Variants in SORCS1 observed in about 807,000 individuals in gnomAD.
SORCS1 encodes VPS10 domain-containing receptor SorCS1.
Under a neutral mutation model 146.1 loss-of-function variants are expected in SORCS1, and 60 were observed. The observed-to-expected ratio is 0.41, with a 90% CI of 0.33 to 0.51. The LOEUF (loss-of-function observed/expected upper bound fraction) is 0.51, where lower values mean the gene tolerates loss of function less well. SORCS1 is among the 20% of genes least tolerant of loss of function. SORCS1 has a pLI of 0.21. For synonymous variants in SORCS1, 637 were observed against 584.0 expected, an observed-to-expected ratio of 1.09 and a Z score of -1.31; for missense variants, 1,352 against 1,487.6, an observed-to-expected ratio of 0.91 and a Z score of 1.50.
intron 18 of SORCS1, among the ~76,000 whole-genome samples, chr10:106,630,074 A>C (rs1279303080): frequency 6.6e-6 from 1 of 151,978 alleles, no homozygotes; most frequent in African/African-American, 2.4e-5. Context: ...ACAAAAACCC[A>C]AAAATTTTAG....
intron 18 of SORCS1, among the ~76,000 whole-genome samples, chr10:106,641,092 C>T (rs1849042783): frequency 1.3e-5 from 2 of 152,118 alleles, no homozygotes; most frequent in South Asian, 4.2e-4. Flanking sequence ...CATGAGAGTA[C>T]ACTTGGAGAG....
intron 1 of SORCS1, among the ~76,000 whole-genome samples, chr10:107,052,188 C>T (rs1960184007): frequency 6.6e-6 from 1 of 152,126 alleles, no homozygotes; most frequent in African/African-American, 2.4e-5. Flanking sequence ...TTCTGGACTT[C>T]CCTGTGGAGG....
At chr10:106,650,741 C>T (rs938984155) in intron 18 of SORCS1, among the ~76,000 whole-genome samples, 2 of 152,106 alleles carry the variant, frequency 1.3e-5, no homozygotes, top group African/African-American at 2.4e-5. Context: ...CTAAAGTTCT[C>T]GAAAGGAAAA....
At position 106,611,137 on chromosome 10, in the gene SORCS1, C is replaced by G. The variant is rs116447797; in HGVS notation, c.3033+774G>C. Reference sequence around the variant, plus strand: ...GGAAGATGTGCCTAAAAGAAGGTGTCTTCTCTAATTGCCAGTGACATTTGC... The same window carrying G: ...GGAAGATGTGCCTAAAAGAAGGTGTGTTCTCTAATTGCCAGTGACATTTGC... On this transcript the variant is annotated intron_variant, in intron 22 of 25. Transcript: ENST00000263054. Among the ~76,000 whole-genome samples, 431 of 151,948 alleles carry G rather than the reference C, an allele frequency of 2.8e-3. 1 individual carries two copies. The highest frequency in any genetic ancestry group is 3.3e-3 in the Non-Finnish European group (227 of 67,970).
chr10:107,011,950 T>C (rs1337534039), intron 1 of SORCS1, among the ~76,000 whole-genome samples: 1 of 152,224 alleles, frequency 6.6e-6, no homozygotes, highest in Non-Finnish European at 1.5e-5. Flanking sequence ...TAAGGAGATC[T>C]TTATTTCTAA....
At chr10:106,744,468 C>T (rs952655025) in intron 5 of SORCS1, among the ~76,000 whole-genome samples, 1 of 152,096 alleles carries the variant, frequency 6.6e-6, no homozygotes, top group African/African-American at 2.4e-5. Flanking sequence ...CTGTATGTGT[C>T]TCTAATCTCT....
chr10:106,868,163 T>C (rs985682526), intron 2 of SORCS1, among the ~76,000 whole-genome samples: 3 of 152,170 alleles, frequency 2.0e-5, no homozygotes, highest in Admixed American at 2.0e-4. Context: ...ATCCCAAATA[T>C]ATACACACCC....
intron 8 of SORCS1, among the ~76,000 whole-genome samples, chr10:106,704,005 T>C (rs751390564): frequency 6.6e-6 from 1 of 152,232 alleles, no homozygotes; most frequent in Admixed American, 6.5e-5. Flanking sequence ...AGAAGACAGA[T>C]GCAAATTTGG....
chr10:106,809,093 G>C (rs1362918233), intron 3 of SORCS1, among the ~76,000 whole-genome samples: 1 of 152,004 alleles, frequency 6.6e-6, no homozygotes, highest in African/African-American at 2.4e-5. Flanking sequence ...GTCTTTGCAT[G>C]ATGATTTTCT....
At chr10:106,618,706 G>A (rs998360785) in intron 20 of SORCS1, among the ~76,000 whole-genome samples, 1 of 152,026 alleles carries the variant, frequency 6.6e-6, no homozygotes, top group Non-Finnish European at 1.5e-5. Context: ...TCATCTCCAG[G>A]GTGTACGATT....
chr10:106,610,090 G>A (rs1846875161), intron 22 of SORCS1, among the ~76,000 whole-genome samples: 1 of 152,128 alleles, frequency 6.6e-6, no homozygotes, highest in African/African-American at 2.4e-5. Context: ...GCCTCCTGGT[G>A]GTGATAATGT....
chr10:107,054,568 T>C (rs1444018103), intron 1 of SORCS1, among the ~76,000 whole-genome samples: 1 of 152,156 alleles, frequency 6.6e-6, no homozygotes, highest in East Asian at 1.9e-4. Flanking sequence ...GCTAGAATTT[T>C]AACAGGGAGT....
At chr10:106,629,141 T>C in intron 19 of SORCS1, 61 bp downstream of exon 19, 1 of 1,457,790 alleles carries the variant, frequency 6.9e-7, no homozygotes, top group Admixed American at 1.9e-5. Flanking sequence ...AATTGTGAAT[T>C]CAATTTGAAA....
At chr10:106,865,787 G>A (rs933686449) in intron 2 of SORCS1, among the ~76,000 whole-genome samples, 1 of 151,702 alleles carries the variant, frequency 6.6e-6, no homozygotes, top group African/African-American at 2.4e-5. Flanking sequence ...TGGCCAGACT[G>A]TTTGGGAGGC....
rs1026322386 is a variant in SORCS1 at position 106,948,502 on chromosome 10, A to G, written c.626+8011T>C. Among the ~76,000 whole-genome samples, 5 of 152,138 alleles carry G rather than the reference A, an allele frequency of 3.3e-5. No individual in the cohort carries two copies. The South Asian group carries it at 6.2e-4, about 19-fold the overall frequency. On this transcript the variant is annotated intron_variant, in intron 2 of 25. Transcript: ENST00000263054. ...AGTCTGGGCAACAAGGTGAGGCCCC[A>G]TCTCTACAAAAAAATTTAAAAATTA...
At chr10:106,983,111 T>C (rs1366647755) in intron 1 of SORCS1, among the ~76,000 whole-genome samples, 1 of 72,988 alleles carries the variant, frequency 1.4e-5, no homozygotes, top group African/African-American at 5.1e-5. Flanking sequence ...GAGGAGGTTA[T>C]ATATATATAT....
At chr10:106,690,394 A>T (rs775034098) in intron 9 of SORCS1, among the ~76,000 whole-genome samples, 1 of 152,236 alleles carries the variant, frequency 6.6e-6, no homozygotes, top group Non-Finnish European at 1.5e-5. Context: ...CTGCAGAAGG[A>T]ATAAAAATGT....
chr10:106,977,883 G>C (rs541031390), intron 1 of SORCS1, among the ~76,000 whole-genome samples: 1 of 152,314 alleles, frequency 6.6e-6, no homozygotes, highest in African/African-American at 2.4e-5. Flanking sequence ...ACTGCAAATT[G>C]CTTTGCAAAA....
At chr10:107,033,208 T>C (rs1958745829) in intron 1 of SORCS1, among the ~76,000 whole-genome samples, 1 of 152,132 alleles carries the variant, frequency 6.6e-6, no homozygotes, top group African/African-American at 2.4e-5. Context: ...TGCCACACAC[T>C]TTTAAATCAG....
Sources: allele counts gnomAD v4.1 joint callset (sites outside exome capture counted in the v4.1 genomes callset), GRCh38; gene constraint gnomAD v4.1.1; transcripts MANE v1.5; gene names NCBI Gene and HGNC (gene_info 2026-07-23, HGNC 2026-07-21).